TSC2: variants seen among roughly 807,000 people sequenced by gnomAD.
The protein encoded by TSC2 is tuberin.
TSC2 carries 29 observed loss-of-function variants against 202.2 expected under a neutral mutation model. That is an observed-to-expected ratio of 0.14 (90% CI 0.11 to 0.20). The LOEUF is 0.20. Ranked by LOEUF, TSC2 falls within the 10% of genes least tolerant of loss-of-function variation. TSC2 has a pLI of 1.00. For missense variants in TSC2, 2,429 were observed against 2,420.0 expected (o/e 1.00, Z -0.08); for synonymous variants, 1,349 against 1,044.0 (o/e 1.29, Z -5.63).
At chr16:2,067,943 CCTTA>C (rs2087632411) in intron 16 of TSC2, among the ~76,000 whole-genome samples, 1 of 152,158 alleles carries the variant, frequency 6.6e-6, no homozygotes. Context: ...GTTCTGTTGC[CCTTA>C]CTTGGAACTC....
chr16:2,087,804 C>T lies in TSC2; in HGVS notation c.4990-59C>T, dbSNP rs148166336. 8.1e-4 allele frequency: 1,282 copies of T among 1,590,008 alleles called. 2 individuals carry two copies. The highest frequency in any genetic ancestry group is 2.6e-3 in the African/African-American group (194 of 74,476). On this transcript the variant is annotated intron_variant, in intron 38 of 41. Transcript: ENST00000219476. ...TCTAGCAGTGCAACCAGGCAGTAGC[C>T]GAGATCAGCCTTCAGCACACGCTGT...
At chr16:2,051,546 T>C (rs560028757) in intron 3 of TSC2, among the ~76,000 whole-genome samples, 33 of 152,296 alleles carry the variant, frequency 2.2e-4, no homozygotes, top group African/African-American at 7.7e-4. Context: ...TGCCAGACTT[T>C]CCTGATGACT....
At chr16:2,058,605 C>T in intron 9 of TSC2, 142 bp from the exon 10 acceptor site, 1 of 1,289,156 alleles carries the variant, frequency 7.8e-7, no homozygotes, top group Non-Finnish European at 1.1e-6. Context: ...CTGTTCCCTG[C>T]CCTTCCCCAG....
In TSC2 at chr16:2,082,446, C is replaced by G. The variant is rs761713908; in HGVS notation, c.3825C>G (p.Phe1275Leu). The change falls in exon 32 of 42, where the codon TTC (phenylalanine) becomes TTG (leucine). Residue 1275 changes from phenylalanine (F) to leucine (L), a missense_variant. Phe to Leu is a conservative substitution (Grantham distance 22). Coordinates refer to ENST00000219476, the MANE Select transcript of TSC2 (RefSeq NM_000548.5). ...PLPRSNTVAS[F>L]SSLYQSSCQG... is the part of the protein sequence containing the mutation. ...GGCCTTCCCTTGCAGTGGCCTCTTT[C>G]TCCTCCCTGTACCAGTCCAGCTGCC... The G allele has an allele frequency of 1.2e-6, 2 of 1,612,502 alleles. No individual in the cohort carries two copies. The highest frequency in any genetic ancestry group is 1.7e-6 in the Non-Finnish European group (2 of 1,180,002).
intron 17 of TSC2, chr16:2,071,271 G>C (rs1372571252): frequency 1.7e-6 from 1 of 593,558 alleles, no homozygotes; most frequent in Non-Finnish European, 3.1e-6. Flanking sequence ...CAGCTGTGGT[G>C]GTGGGGACAC....
At position 2,084,588 on chromosome 16, in the gene TSC2, C is replaced by G. The variant is rs1199848222; in HGVS notation, c.4366C>G (p.Leu1456Val). 1 of 1,605,544 alleles carries G rather than the reference C, an allele frequency of 6.2e-7. No homozygotes were observed. The highest frequency in any genetic ancestry group is 2.2e-5 in the East Asian group (1 of 44,862). ...PSSSPRSPSG[L>V]RPRGYTISDS... ...CAGCTCCCCCCGCTCGCCCAGTGGC[C>G]TCCGGCCCCGAGGTTACACCATCTC... The change falls in exon 34 of 42, where the codon CTC (leucine) becomes GTC (valine). Residue 1456 changes from leucine to valine, a missense_variant. Physicochemically the swap from Leu to Val is conservative, Grantham distance 32. Coordinates refer to ENST00000219476, the MANE Select transcript of TSC2 (RefSeq NM_000548.5).
rs1202399787 is a variant in TSC2, at chr16:2,062,518, A to T, written c.1279A>T (p.Ile427Phe). 1 of 1,611,750 alleles carries T rather than the reference A, an allele frequency of 6.2e-7. No homozygotes were observed. Among genetic ancestry groups the T allele is most frequent in the Non-Finnish European group, 8.5e-7 (1 of 1,179,034 alleles). Residue 427 changes from isoleucine to phenylalanine, a missense_variant, in exon 13 of 42, where the codon ATC (isoleucine) becomes TTC (phenylalanine). By Grantham distance (21) the Ile-to-Phe change is conservative. Coordinates refer to ENST00000219476, the MANE Select transcript of TSC2 (RefSeq NM_000548.5). The stretch of plus-strand genomic sequence containing the variant: ...ACAGGAGTCCTCCCTCCTGAACCTG[A>T]TCTCCTATAGAGCGCAGTCCATCCA... ...QRPESSLLNL[I>F]SYRAQSIHPA...
In TSC2 at chr16:2,079,050, C is replaced by T. The variant is rs786203324; in HGVS notation, c.2985C>T (p.Leu995=). The change falls in exon 27 of 42, where the codon CTC becomes CTT. Residue 995 remains leucine (L), a synonymous_variant. Transcript: ENST00000219476. The surrounding 1 kb of genome is among the most constrained non-coding windows in gnomAD (Gnocchi z 4.6). ...CCTCCAGCAGGATACAGACGTCCCT[C>T]ACCAGTGCCAGCTTGGGGTCTGCAG... The part of the protein sequence containing the change: ...HVVRSRIQTS[L]TSASLGSADE... The T allele has an allele frequency of 9.9e-6, 16 of 1,612,874 alleles. No individual in the cohort carries two copies. Among genetic ancestry groups the T allele is most frequent in the Non-Finnish European group, 1.3e-5 (15 of 1,180,026 alleles).
At position 2,060,587 on chromosome 16, in the gene TSC2, C is replaced by G. The variant is rs544320086; in HGVS notation, c.976-83C>G. The G allele has an allele frequency of 1.1e-4, 181 of 1,608,746 alleles. No individual in the cohort carries two copies. The African/African-American group carries it at 2.2e-3, about 20-fold the overall frequency. On this transcript the variant is annotated intron_variant, in intron 10 of 41. Coordinates refer to ENST00000219476, the MANE Select transcript of TSC2 (RefSeq NM_000548.5). ...GCACTGCGCGCTCAGGCGTGCTACT[C>G]TCGGTCCCAAGGGTGACTGGGAGGG... is the stretch of plus-strand genomic sequence containing the variant.
At chr16:2,053,140 A>C (rs2085332068) in intron 3 of TSC2, among the ~76,000 whole-genome samples, 1 of 152,142 alleles carries the variant, frequency 6.6e-6, no homozygotes, top group Non-Finnish European at 1.5e-5. Context: ...GGGTTTGAGG[A>C]AGCTCTGAGC....
At chr16:2,081,391 G>A (rs1319517666) in intron 30 of TSC2, 50 of 674,538 alleles carry the variant, frequency 7.4e-5, no homozygotes, top group Admixed American at 5.8e-4. Flanking sequence ...GGTGCCTGGC[G>A]GAGCCTGGCC....
chr16:2,060,598 G>C, intron 10 of TSC2, 72 bp from the exon 11 acceptor site: 2 of 1,610,738 alleles, frequency 1.2e-6, no homozygotes, highest in Non-Finnish European at 1.7e-6. Context: ...TCGGTCCCAA[G>C]GGTGACTGGG....
chr16:2,088,167 C>T (rs2091109934), intron 40 of TSC2, 28 bp downstream of exon 40: 1 of 1,613,010 alleles, frequency 6.2e-7, no homozygotes, highest in South Asian at 1.1e-5. Flanking sequence ...CAGGCGTGAG[C>T]TGGTGGGACA....
rs749875773 is a variant in TSC2 at position 2,085,268 on chromosome 16, G to T, written c.4608G>T (p.Gln1536His). ...AGCGGTCGGTGCAGCTCCTCGACCA[G>T]ATCCCATCATACGACACCCACAAGA... ...SFERSVQLLDQIPSYDTHKIA... is the reference protein window; with the variant it reads ...SFERSVQLLDHIPSYDTHKIA... Residue 1536 changes from glutamine to histidine, a missense_variant, in exon 36 of 42, where the codon CAG becomes CAT. Transcript: ENST00000219476. 2 of 1,612,630 alleles carry T rather than the reference G, an allele frequency of 1.2e-6. No individual in the cohort carries two copies. Among genetic ancestry groups the T allele is most frequent in the African/African-American group, 2.7e-5 (2 of 74,938 alleles).
At chr16:2,082,952 A>C in intron 32 of TSC2, 3 of 376,210 alleles carry the variant, frequency 8.0e-6, no homozygotes, top group Middle Eastern at 9.5e-4. Flanking sequence ...GGGGCCCTGC[A>C]GACCGACCTC....
rs752919836 is a variant in TSC2, at chr16:2,088,415, G to GACTT, written c.5260-27_5260-24dup. The GACTT allele has an allele frequency of 1.2e-5, 19 of 1,612,540 alleles. No homozygotes were observed. In the African/African-American group the frequency reaches 1.2e-4, roughly 10 times the overall value. On this transcript the variant is annotated intron_variant, in intron 41 of 41. Coordinates refer to ENST00000219476, the MANE Select transcript of TSC2 (RefSeq NM_000548.5). ...GGCAGAGCGGTTGCCACGCCTCCCA[G>GACTT]ACTTACTGCCCAAGCCGCCTCTGCC...
rs766888262 is a variant in TSC2 at position 2,080,247 on chromosome 16, T to C, written c.3480T>C (p.Thr1160=). ...LGSATSPGPR[T]APAAKPEKAS... ...GTGCCACTTCTCCAGGACCACGGAC[T>C]GCACCAGCCGCGAAACCTGAGAAGG... Residue 1160 remains threonine (T), a synonymous_variant, in exon 30 of 42, where the codon ACT becomes ACC. Coordinates refer to ENST00000219476, the MANE Select transcript of TSC2 (RefSeq NM_000548.5). 2 of 1,612,850 alleles carry C rather than the reference T, an allele frequency of 1.2e-6. No individual in the cohort carries two copies. The highest frequency in any genetic ancestry group is 1.7e-6 in the Non-Finnish European group (2 of 1,180,034).
At chr16:2,061,214 C>G in intron 11 of TSC2, 1 of 325,588 alleles carries the variant, frequency 3.1e-6, no homozygotes, top group Non-Finnish European at 6.0e-6. Context: ...GAGGACTCCA[C>G]GGCCACACGG....
chr16:2,087,171 C>G (rs2090921043), intron 38 of TSC2: 1 of 471,010 alleles, frequency 2.1e-6, no homozygotes, highest in South Asian at 2.0e-5. Flanking sequence ...GCCCTTGGGC[C>G]CCCACCATCT....
Sources: allele counts gnomAD v4.1 joint callset (sites outside exome capture counted in the v4.1 genomes callset), GRCh38; gene constraint gnomAD v4.1.1; non-coding constraint Gnocchi (gnomAD v3.1); transcripts MANE v1.5; gene names NCBI Gene and HGNC (gene_info 2026-07-23, HGNC 2026-07-21).